Variants in KLF11 observed in about 807,000 individuals in gnomAD.
KLF11 encodes the protein KLF transcription factor 11, also known as Krueppel-like factor 11.
A neutral mutation model predicts 29.9 loss-of-function variants in KLF11; 26 were observed. The observed-to-expected ratio is 0.87, with a 90% CI of 0.64 to 1.21. KLF11 has a LOEUF of 1.21. KLF11 is among the 50% of genes most tolerant of loss of function. The probability of loss-of-function intolerance (pLI) is 0.00; values close to 1 mark genes in which losing one functional copy is unlikely to be tolerated. For synonymous variants in KLF11, 318 were observed against 257.4 expected (o/e 1.24, Z -2.25); for missense variants, 778 against 665.7 (o/e 1.17, Z -1.86).
intron 3 of KLF11, among the ~76,000 whole-genome samples, chr2:10,051,516 A>G (rs1661404573): frequency 6.6e-6 from 1 of 150,794 alleles, no homozygotes; most frequent in African/African-American, 2.4e-5. Flanking sequence ...TGGATGCTAC[A>G]TTTTTTATTT....
chr2:10,045,522 C>T (rs1283010937), intron 1 of KLF11, among the ~76,000 whole-genome samples: 1 of 152,218 alleles, frequency 6.6e-6, no homozygotes, highest in Non-Finnish European at 1.5e-5. Flanking sequence ...CAAAGAGATC[C>T]TCTCCGGGTT....
intron 1 of KLF11, 72 bp downstream of exon 1, chr2:10,043,830 C>G (rs1181245037): frequency 1.5e-6 from 2 of 1,292,632 alleles, no homozygotes; most frequent in Non-Finnish European, 2.0e-6. Context: ...TGGTGCGGCA[C>G]TCGCGCGCCT....
chr2:10,047,989 C>A lies in KLF11; in HGVS notation c.652C>A (p.His218Asn), dbSNP rs1173199384. The A allele has an allele frequency of 1.2e-6, 2 of 1,614,116 alleles. No individual in the cohort carries two copies. The highest frequency in any genetic ancestry group is 1.7e-6 in the Non-Finnish European group (2 of 1,180,026). Residue 218 changes from histidine to asparagine, a missense_variant, in exon 3 of 4, where the codon CAC becomes AAC. Coordinates refer to ENST00000305883, the MANE Select transcript of KLF11 (RefSeq NM_003597.5). ...ACACTTTGAAACTTTGCAGGACACA[C>A]ACCTCACGGACAGTTTACTCAGCAC... Reference protein sequence around the residue: ...LGHFETLQDTHLTDSLLSTNL... With the variant: ...LGHFETLQDTNLTDSLLSTNL...
intron 1 of KLF11, 163 bp downstream of exon 1, chr2:10,043,921 G>C (rs1266147763): frequency 1.9e-6 from 2 of 1,026,430 alleles, no homozygotes; most frequent in African/African-American, 3.5e-5. Flanking sequence ...AGCCGGGCGG[G>C]GCGGCGGCCG....
chr2:10,054,185 C>T lies in KLF11; in HGVS notation c.*1678C>T, dbSNP rs1049697482. The T allele has an allele frequency of 6.6e-6, 1 of 152,180 alleles. No homozygotes were observed. Among genetic ancestry groups the T allele is most frequent in the African/African-American group, 2.4e-5 (1 of 41,430 alleles). The allele number at this position is 152,180 out of a possible 1,614,324, so 9.4% of individuals were successfully genotyped here. A position where few individuals can be genotyped will look rare whatever the true frequency, so the allele number is the denominator to read the frequency against. On this transcript the variant is annotated 3_prime_UTR_variant, in exon 4 of 4. Coordinates refer to ENST00000305883, the MANE Select transcript of KLF11 (RefSeq NM_003597.5). ...TCTTCGTGAGACAGCACAGTTGTCT[C>T]ATGTTGTGCATAGTTCATGTTTCCT...
At chr2:10,050,407 C>CA (rs34801840) in intron 3 of KLF11, among the ~76,000 whole-genome samples, 7,358 of 115,816 alleles carry the variant, frequency 0.064, 282 homozygotes, top group East Asian at 0.18. Context: ...ACTCTTATCT[C>CA]AAAAAAAAAA....
chr2:10,051,355 C>T (rs1017082631), intron 3 of KLF11, among the ~76,000 whole-genome samples: 1 of 152,052 alleles, frequency 6.6e-6, no homozygotes, highest in Non-Finnish European at 1.5e-5. Context: ...ATTACAGGCA[C>T]CCACCACCAC....
chr2:10,048,496 G>C lies in KLF11; in HGVS notation c.1159G>C (p.Asp387His). ...TAGCCAAAACTGTGTCCCTCAGGTA[G>C]ACTTTTCCCGAAGGAGGAACTATGT... The part of the protein sequence containing the change: ...TSSQNCVPQV[D>H]FSRRRNYVCS... Residue 387 changes from aspartate (D) to histidine (H), a missense_variant, in exon 3 of 4, where the codon GAC becomes CAC. By Grantham distance (81) the Asp-to-His change is moderately conservative (BLOSUM62 -1). Coordinates refer to ENST00000305883, the MANE Select transcript of KLF11 (RefSeq NM_003597.5). 2 of 1,613,884 alleles carry C rather than the reference G, an allele frequency of 1.2e-6. No individual in the cohort carries two copies. Among genetic ancestry groups the C allele is most frequent in the South Asian group, 2.2e-5 (2 of 91,090 alleles).
chr2:10,053,547 G>A lies in KLF11; in HGVS notation c.*1040G>A. 5.0e-6 allele frequency: 2 copies of A among 397,948 alleles called. No individual in the cohort carries two copies. The highest frequency in any genetic ancestry group is 8.9e-6 in the Non-Finnish European group (2 of 225,850). The allele number at this position is 397,948 out of a possible 1,614,324, so 24.7% of individuals were successfully genotyped here. A position where few individuals can be genotyped will look rare whatever the true frequency, so the allele number is the denominator to read the frequency against. ...TGGGGCGAGATGCATGTGAAGGCAG[G>A]CAGTGCCAAGATTCCGCTTCCTTTG... On this transcript the variant is annotated 3_prime_UTR_variant, in exon 4 of 4. Transcript: ENST00000305883.
At position 10,048,545 on chromosome 2, in the gene KLF11, A is replaced by G. The variant is rs777813982; in HGVS notation, c.1208A>G (p.Lys403Arg). 5.0e-5 allele frequency: 80 copies of G among 1,609,930 alleles called. No individual in the cohort carries two copies. The highest frequency in any genetic ancestry group is 6.7e-5 in the Non-Finnish European group (79 of 1,180,038). Residue 403 changes from lysine (K) to arginine (R), a missense_variant, in exon 3 of 4, where the codon AAG becomes AGG. By Grantham distance (26) the Lys-to-Arg change is conservative (BLOSUM62 2). Coordinates refer to ENST00000305883, the MANE Select transcript of KLF11 (RefSeq NM_003597.5). ...NYVCSFPGCRKTYFKSSHLKA... is the reference protein window; with the variant it reads ...NYVCSFPGCRRTYFKSSHLKA... ...GTATGCAGCTTCCCAGGTTGCCGGA[A>G]GACCTACTTCAAAAGTTCCCACCTT...
In KLF11 at chr2:10,043,747, G is replaced by C. The variant is rs1405894919; in HGVS notation, c.31G>C (p.Asp11His). ...CACGCCGGACTTCGCAGGCCCAGAC[G>C]ACGCGCGCGCAGTGAGTGGTGGGGC... MHTPDFAGPD[D>H]ARAVDIMDIC... The change falls in exon 1 of 4, where the codon GAC becomes CAC. Residue 11 changes from aspartate to histidine, a missense_variant. Asp to His is a moderately conservative substitution (Grantham distance 81). Coordinates refer to ENST00000305883, the MANE Select transcript of KLF11 (RefSeq NM_003597.5). 2 of 1,377,064 alleles carry C rather than the reference G, an allele frequency of 1.5e-6. No individual in the cohort carries two copies. Among genetic ancestry groups the C allele is most frequent in the East Asian group, 3.8e-5 (1 of 26,592 alleles). The allele number at this position is 1,377,064 out of a possible 1,614,324, so 85.3% of individuals were successfully genotyped here.
chr2:10,052,315 A>T lies in KLF11; in HGVS notation c.1347A>T (p.Thr449=), dbSNP rs1661429969. Residue 449 remains threonine (T), a synonymous_variant, in exon 4 of 4, where the codon ACA becomes ACT. Coordinates refer to ENST00000305883, the MANE Select transcript of KLF11 (RefSeq NM_003597.5). ...TGTCACGCCACCGCAGAACTCACAC[A>T]GGGGAGAAGAAGTTTGTGTGCCCGG... ...DELSRHRRTH[T]GEKKFVCPVC... 1.2e-6 allele frequency: 2 copies of T among 1,613,994 alleles called. No homozygotes were observed. Among genetic ancestry groups the T allele is most frequent in the Non-Finnish European group, 1.7e-6 (2 of 1,180,026 alleles).
chr2:10,044,069 C>T (rs1167025473), intron 1 of KLF11: 1 of 711,624 alleles, frequency 1.4e-6, no homozygotes, highest in Non-Finnish European at 1.7e-6. Flanking sequence ...TCCTGTGAGC[C>T]GGACGGCCGT....
intron 2 of KLF11, among the ~76,000 whole-genome samples, chr2:10,046,971 C>T (rs957490153): frequency 6.6e-6 from 1 of 152,146 alleles, no homozygotes; most frequent in African/African-American, 2.4e-5. Context: ...TGGGATGAAA[C>T]CTACAGATTA....
Position 10,052,534 on chromosome 2 carries a change from G to A in KLF11, c.*27G>A, listed in dbSNP as rs754506610. ...AGGTCCATTAGGACATCACTCATGG[G>A]ATTTTTAAAAAGCCTCTTTCCAGGA... On this transcript the variant is annotated 3_prime_UTR_variant, in exon 4 of 4. Transcript: ENST00000305883. The A allele has an allele frequency of 1.9e-6, 3 of 1,610,746 alleles. No individual in the cohort carries two copies. Among genetic ancestry groups the A allele is most frequent in the South Asian group, 2.2e-5 (2 of 90,658 alleles).
In KLF11 at chr2:10,048,376, G is replaced by T. The variant is rs121912645; in HGVS notation, c.1039G>T (p.Ala347Ser). 8.2e-5 allele frequency: 132 copies of T among 1,612,500 alleles called. No individual in the cohort carries two copies. Among genetic ancestry groups the T allele is most frequent in the Admixed American group, 5.3e-4 (32 of 59,954 alleles). ...TGTGATGTTGGTCCTGCCCCAGGGA[G>T]CCCTCCCTCCGCCTGCCCCCTGTGC... ...GAVMLVLPQG[A>S]LPPPAPCAAN... The change falls in exon 3 of 4, where the codon GCC becomes TCC. Residue 347 changes from alanine (A) to serine (S), a missense_variant. By Grantham distance (99) the Ala-to-Ser change is moderately conservative. Coordinates refer to ENST00000305883, the MANE Select transcript of KLF11 (RefSeq NM_003597.5).
At chr2:10,047,615 A>T in intron 2 of KLF11, 35 bp from the exon 3 acceptor site, 1 of 1,560,238 alleles carries the variant, frequency 6.4e-7, no homozygotes, top group Non-Finnish European at 8.8e-7. Context: ...TTTAAAATTT[A>T]AAGCAACCTT....
rs1051405180 is a variant in KLF11 at position 10,048,450 on chromosome 2, T to C, written c.1113T>C (p.Pro371=). Reference sequence around the variant, plus strand: ...ATACCAAGTTGTTGCCCCTTGCCCCTGCTCCAGTGTTCATCACCTCTAGCC... The same window carrying C: ...ATACCAAGTTGTTGCCCCTTGCCCCCGCTCCAGTGTTCATCACCTCTAGCC... ...AGNTKLLPLA[P]APVFITSSQN... The change falls in exon 3 of 4, where the codon CCT becomes CCC. Residue 371 remains proline, a synonymous_variant. Coordinates refer to ENST00000305883, the MANE Select transcript of KLF11 (RefSeq NM_003597.5). The C allele has an allele frequency of 1.2e-6, 2 of 1,614,046 alleles. No homozygotes were observed. Among genetic ancestry groups the C allele is most frequent in the Non-Finnish European group, 1.7e-6 (2 of 1,180,054 alleles).
intron 2 of KLF11, among the ~76,000 whole-genome samples, chr2:10,047,106 C>T (rs1359326674): frequency 6.6e-6 from 1 of 152,108 alleles, no homozygotes; most frequent in Non-Finnish European, 1.5e-5. Context: ...AGATTGCCTT[C>T]GTTGGGTGGC....
Sources: gnomAD v4.1 joint callset for allele counts (sites outside exome capture counted in the v4.1 genomes callset) on GRCh38, gnomAD v4.1.1 for gene constraint, MANE v1.5 for transcripts, NCBI Gene and HGNC (gene_info 2026-07-23, HGNC 2026-07-21) for gene names.